Variants in GSAP observed in about 807,000 individuals in gnomAD.
GSAP encodes the protein gamma-secretase activating protein, also known as gamma-secretase-activating protein.
Under a neutral mutation model 131.7 loss-of-function variants are expected in GSAP, and 118 were observed. The ratio of observed to expected loss-of-function variants is 0.90; its 90% confidence interval spans 0.77 to 1.04. The LOEUF (loss-of-function observed/expected upper bound fraction) is 1.04, where lower values mean the gene tolerates loss of function less well. Among genes scored for constraint, GSAP ranks in the 50% least tolerant of loss-of-function variants. GSAP has a pLI of 0.00. For missense variants in GSAP, 1,019 were observed against 1,013.2 expected (o/e 1.01, Z -0.08); for synonymous variants, 381 against 363.4 (o/e 1.05, Z -0.55).
Position 77,406,120 on chromosome 7 carries a change from G to T in GSAP, c.110-15C>A. On this transcript the variant is annotated splice_polypyrimidine_tract_variant and intron_variant, in intron 1 of 30. Transcript: ENST00000257626. The stretch of plus-strand genomic sequence containing the variant: ...TTCTAAAACATCTGAAATGATAATA[G>T]GAGGTTAATACTCAGCAGAAGATGG... The T allele has an allele frequency of 8.0e-7, 1 of 1,256,694 alleles. No individual in the cohort carries two copies. The highest frequency in any genetic ancestry group is 1.0e-6 in the Non-Finnish European group (1 of 967,418). 77.8% of individuals were successfully genotyped at this position (1,256,694 alleles called of 1,614,324 possible).
intron 12 of GSAP, among the ~76,000 whole-genome samples, chr7:77,364,043 C>CT (rs1324114408): frequency 1.3e-5 from 2 of 151,866 alleles, no homozygotes; most frequent in East Asian, 3.9e-4. Flanking sequence ...CATGAAATTG[C>CT]TTAAAAAAAA....
chr7:77,328,779 C>T (rs1180279033), intron 21 of GSAP, 142 bp from the exon 22 acceptor site: 1 of 615,078 alleles, frequency 1.6e-6, no homozygotes, highest in Non-Finnish European at 2.8e-6. Flanking sequence ...ACCTCAAAAA[C>T]TTTGATCAAT....
rs145777773 is a variant in GSAP, at chr7:77,324,000, C to T, written c.1828-258G>A. On this transcript the variant is annotated intron_variant, in intron 23 of 30. Transcript: ENST00000257626. ...ACTGCGAGTAAGGCTCTAACTCTGA[C>T]GAGAATCCTCCAAAGAAGACAGTGA... 2.0e-3 allele frequency among the ~76,000 whole-genome samples: 299 copies of T among 152,286 alleles called. 1 individual carries two copies. Among genetic ancestry groups the T allele is most frequent in the African/African-American group, 6.8e-3 (281 of 41,556 alleles).
In GSAP at chr7:77,387,498, TA is replaced by T. The variant is rs764805674; in HGVS notation, c.368-51del. 3.1e-6 allele frequency: 3 copies of T among 977,256 alleles called. No homozygotes were observed. In the South Asian group the frequency reaches 3.9e-5, roughly 13 times the overall value. 60.5% of individuals were successfully genotyped at this position (977,256 alleles called of 1,614,324 possible). A position where few individuals can be genotyped will look rare whatever the true frequency, so the allele number is the denominator to read the frequency against. On this transcript the variant is annotated intron_variant, in intron 5 of 30. Transcript: ENST00000257626. Reference sequence around the variant, plus strand: ...TAACGAAGATTGTAATATCACACATTATTTTTTCCAAAGCAAGGAGTAAGAA... The same window carrying T: ...TAACGAAGATTGTAATATCACACATTTTTTTTCCAAAGCAAGGAGTAAGAA...
At chr7:77,385,807 A>G (rs1419758493) in intron 6 of GSAP, among the ~76,000 whole-genome samples, 1 of 152,162 alleles carries the variant, frequency 6.6e-6, no homozygotes, top group Non-Finnish European at 1.5e-5. Flanking sequence ...TGGAATAGGG[A>G]GGCCCATAGG....
intron 19 of GSAP, among the ~76,000 whole-genome samples, chr7:77,347,158 C>T (rs1792039952): frequency 6.6e-6 from 1 of 152,152 alleles, no homozygotes; most frequent in Admixed American, 6.5e-5. Flanking sequence ...ATACCCCACT[C>T]TATGCGTCTC....
At chr7:77,328,390 C>G (rs1277775346) in intron 22 of GSAP, 1 of 1,282,376 alleles carries the variant, frequency 7.8e-7, no homozygotes, top group African/African-American at 1.5e-5. Context: ...ACTCCCATCG[C>G]AAAAGCACAT....
At chr7:77,389,259 T>C (rs1799048673) in intron 5 of GSAP, among the ~76,000 whole-genome samples, 1 of 151,786 alleles carries the variant, frequency 6.6e-6, no homozygotes, top group East Asian at 1.9e-4. Context: ...TATATATATA[T>C]ATTTTTTTGA....
intron 3 of GSAP, among the ~76,000 whole-genome samples, chr7:77,400,041 T>C (rs74465977): frequency 9.2e-4 from 140 of 152,246 alleles, no homozygotes; most frequent in African/African-American, 3.2e-3. Flanking sequence ...TTTCTTACTA[T>C]AACCACCCTA....
At chr7:77,350,745 A>G (rs1022599838) in intron 18 of GSAP, among the ~76,000 whole-genome samples, 1 of 152,174 alleles carries the variant, frequency 6.6e-6, no homozygotes, top group Non-Finnish European at 1.5e-5. Context: ...TCCGTCTCCA[A>G]AGAAAAAAAA....
intron 19 of GSAP, among the ~76,000 whole-genome samples, chr7:77,339,646 C>A (rs1417078688): frequency 7.0e-6 from 1 of 143,708 alleles, no homozygotes; most frequent in East Asian, 2.3e-4. Flanking sequence ...AGGAGAAAAA[C>A]GTGAGGAGAA....
At chr7:77,344,997 A>C (rs190655572) in intron 19 of GSAP, among the ~76,000 whole-genome samples, 1 of 152,286 alleles carries the variant, frequency 6.6e-6, no homozygotes, top group East Asian at 1.9e-4. Flanking sequence ...TTTTTACCTA[A>C]ATCAGTCTGG....
In GSAP at chr7:77,345,771, C is replaced by T. The variant is rs576923647; in HGVS notation, c.1545+3580G>A. 3.3e-5 allele frequency among the ~76,000 whole-genome samples: 5 copies of T among 152,298 alleles called. No individual in the cohort carries two copies. In the East Asian group the frequency reaches 9.6e-4, roughly 29 times the overall value. On this transcript the variant is annotated intron_variant, in intron 19 of 30. Transcript: ENST00000257626. ...CCTATAAAACGGCCCCACCCCATCT[C>T]CCTTCGCTGACTCTTTTCGGACTCA...
intron 2 of GSAP, among the ~76,000 whole-genome samples, chr7:77,405,178 G>A (rs1041419599): frequency 1.3e-5 from 2 of 152,202 alleles, no homozygotes; most frequent in Non-Finnish European, 2.9e-5. Flanking sequence ...TATAGTCCTA[G>A]CTACTGGGGA....
At chr7:77,403,681 T>C (rs1801768407) in intron 3 of GSAP, among the ~76,000 whole-genome samples, 1 of 152,168 alleles carries the variant, frequency 6.6e-6, no homozygotes, top group African/African-American at 2.4e-5. Flanking sequence ...TAGGATGACC[T>C]GGGAGTACAC....
chr7:77,413,264 C>T (rs575866249), intron 1 of GSAP, among the ~76,000 whole-genome samples: 11 of 152,326 alleles, frequency 7.2e-5, no homozygotes, highest in Non-Finnish European at 1.5e-4. Flanking sequence ...AGCTTCGGAA[C>T]TGAAATGGAG....
At position 77,366,542 on chromosome 7, in the gene GSAP, G is replaced by A. The variant is rs1785688708; in HGVS notation, c.872-3882C>T. ...CTTTGCTGAAGATCAGGTAGTCATAGGTGTGCAGCCTTATTTCTGGGTTCG... is the reference window on the plus strand; with the variant it reads ...CTTTGCTGAAGATCAGGTAGTCATAAGTGTGCAGCCTTATTTCTGGGTTCG... On this transcript the variant is annotated intron_variant, in intron 12 of 30. Transcript: ENST00000257626. Among the ~76,000 whole-genome samples, 3 of 152,280 alleles carry A rather than the reference G, an allele frequency of 2.0e-5. No individual in the cohort carries two copies. In the South Asian group the frequency reaches 6.2e-4, roughly 32 times the overall value.
intron 7 of GSAP, 129 bp downstream of exon 7, chr7:77,382,445 T>C (rs957124894): frequency 3.5e-6 from 2 of 579,650 alleles, no homozygotes; most frequent in Non-Finnish European, 6.5e-6. Flanking sequence ...CCAGGTCTCA[T>C]ATGGACATCA....
At chr7:77,312,616 A>G (rs1379611584) in intron 28 of GSAP, among the ~76,000 whole-genome samples, 1 of 152,242 alleles carries the variant, frequency 6.6e-6, no homozygotes, top group Non-Finnish European at 1.5e-5. Context: ...ACAAATTTGG[A>G]GACCAAATTA....
Sources: gnomAD v4.1 joint callset for allele counts (sites outside exome capture counted in the v4.1 genomes callset) on GRCh38, gnomAD v4.1.1 for gene constraint, MANE v1.5 for transcripts, NCBI Gene and HGNC (gene_info 2026-07-23, HGNC 2026-07-21) for gene names.